VPS53: variants seen among roughly 807,000 people sequenced by gnomAD.
VPS53 encodes vacuolar protein sorting-associated protein 53 homolog.
In VPS53, 70 loss-of-function variants were observed where a neutral mutation model predicts 107.0. The observed-to-expected ratio is 0.65, with a 90% CI of 0.54 to 0.80. VPS53 has a LOEUF of 0.80. VPS53 is among the 30% of genes least tolerant of loss of function. VPS53 has a pLI of 0.00. For synonymous variants in VPS53, 409 were observed against 393.3 expected (o/e 1.04, Z -0.47); for missense variants, 917 against 1,049.4 (o/e 0.87, Z 1.74).
chr17:708,529 G>A (rs868390088), intron 2 of VPS53, among the ~76,000 whole-genome samples: 7 of 152,202 alleles, frequency 4.6e-5, no homozygotes, highest in African/African-American at 1.4e-4. Flanking sequence ...AGCACCACAG[G>A]GAGATGCTGA....
At position 516,236 on chromosome 17, in the gene VPS53, G is replaced by C; in HGVS notation, c.*2892C>G. 1 of 152,088 alleles carries C rather than the reference G, an allele frequency of 6.6e-6. No homozygotes were observed. The highest frequency in any genetic ancestry group is 6.6e-5 in the Admixed American group (1 of 15,258). The allele number at this position is 152,088 out of a possible 1,614,324, so 9.4% of individuals were successfully genotyped here. ...ACATGTATGAAAATGCGTGGCAGGAGCCCTTCCATAAAGCAAATCTCTCTG... is the reference window on the plus strand; with the variant it reads ...ACATGTATGAAAATGCGTGGCAGGACCCCTTCCATAAAGCAAATCTCTCTG... On this transcript the variant is annotated 3_prime_UTR_variant, in exon 22 of 22. Coordinates refer to ENST00000437048, the MANE Select transcript of VPS53 (RefSeq NM_001128159.3).
intron 4 of VPS53, among the ~76,000 whole-genome samples, chr17:672,751 A>G (rs901616270): frequency 2.1e-4 from 32 of 152,232 alleles, no homozygotes; most frequent in African/African-American, 6.5e-4. Flanking sequence ...TAGGGAATGT[A>G]TCTTTAAAGG....
chr17:661,536 A>T (rs555583189), intron 5 of VPS53, among the ~76,000 whole-genome samples: 304 of 149,328 alleles, frequency 2.0e-3, no homozygotes, highest in African/African-American at 7.0e-3. Context: ...AAAAAAAAAA[A>T]ATACCCAAAA....
chr17:547,811 G>A (rs191587735), intron 17 of VPS53, among the ~76,000 whole-genome samples: 2 of 152,106 alleles, frequency 1.3e-5, no homozygotes, highest in Admixed American at 1.3e-4. Flanking sequence ...CAAATTTTTT[G>A]TGTTTTTAAT....
chr17:577,557 T>C (rs566528026), intron 13 of VPS53, among the ~76,000 whole-genome samples: 5 of 149,402 alleles, frequency 3.3e-5, no homozygotes, highest in South Asian at 2.1e-4. Context: ...CAGAATCTAA[T>C]ACGTTCGCAG....
rs1032978630 is a variant in VPS53, at chr17:516,154, T to G, written c.*2974A>C. 1 of 151,986 alleles carries G rather than the reference T, an allele frequency of 6.6e-6. No homozygotes were observed. The highest frequency in any genetic ancestry group is 1.5e-5 in the Non-Finnish European group (1 of 68,008). 9.4% of individuals were successfully genotyped at this position (151,986 alleles called of 1,614,324 possible). ...TTATCAGTAGAGAATCTTCACCACG[T>G]TGGCACCAGCTCAAGTGTAGTGTCG... On this transcript the variant is annotated 3_prime_UTR_variant, in exon 22 of 22. Transcript: ENST00000437048.
chr17:572,020 G>A (rs990204379), intron 13 of VPS53, among the ~76,000 whole-genome samples: 2 of 151,010 alleles, frequency 1.3e-5, no homozygotes, highest in Non-Finnish European at 3.0e-5. Context: ...TGGGATGTGA[G>A]GAGCCCCTCT....
intron 18 of VPS53, among the ~76,000 whole-genome samples, chr17:535,446 G>A (rs951809773): frequency 1.5e-5 from 2 of 135,970 alleles, no homozygotes; most frequent in African/African-American, 5.0e-5. Context: ...TCAATCATAT[G>A]ACTGAGCAGG....
At chr17:699,786 A>G (rs575442971) in intron 2 of VPS53, among the ~76,000 whole-genome samples, 1 of 152,370 alleles carries the variant, frequency 6.6e-6, no homozygotes, top group African/African-American at 2.4e-5. Context: ...AAATACAGCA[A>G]CAAAAATGAA....
chr17:710,040 G>A (rs1221118907), intron 2 of VPS53, among the ~76,000 whole-genome samples: 1 of 152,104 alleles, frequency 6.6e-6, no homozygotes, highest in Admixed American at 6.6e-5. Flanking sequence ...AGCTACTCAG[G>A]AGGCTGAGGC....
intron 13 of VPS53, among the ~76,000 whole-genome samples, chr17:567,407 T>C (rs371565459): frequency 3.3e-5 from 5 of 152,106 alleles, no homozygotes; most frequent in African/African-American, 1.2e-4. Context: ...AGAAAATCAG[T>C]AGCCAGTATT....
intron 7 of VPS53, among the ~76,000 whole-genome samples, chr17:643,036 C>T (rs867653962): frequency 0.017 from 2,061 of 123,330 alleles, 43 homozygotes; most frequent in African/African-American, 0.06. Context: ...GCGAGGACAA[C>T]ACTCATACTT....
intron 4 of VPS53, among the ~76,000 whole-genome samples, chr17:668,891 GC>G (rs1286497726): frequency 1.3e-5 from 2 of 152,040 alleles, no homozygotes; most frequent in African/African-American, 4.8e-5. Flanking sequence ...TGAAGGTATC[GC>G]TTTTTTCTTC....
intron 7 of VPS53, among the ~76,000 whole-genome samples, chr17:643,568 GAAA>G (rs1970546288): frequency 1.4e-5 from 2 of 140,754 alleles, no homozygotes; most frequent in South Asian, 2.3e-4. Flanking sequence ...CTCATACTTG[GAAA>G]CCGAGGACAA....
chr17:580,381 T>A (rs2142997106), intron 13 of VPS53, among the ~76,000 whole-genome samples: 1 of 130,718 alleles, frequency 7.7e-6, no homozygotes, highest in East Asian at 2.4e-4. Flanking sequence ...CCAGAGAACT[T>A]CCCTCAGGAC....
At chr17:533,651 C>A (rs1567603190) in intron 18 of VPS53, among the ~76,000 whole-genome samples, 1 of 152,334 alleles carries the variant, frequency 6.6e-6, no homozygotes, top group Middle Eastern at 3.4e-3. Flanking sequence ...CCATACTCTA[C>A]ATGGAGTCTG....
At position 653,296 on chromosome 17, in the gene VPS53, G is replaced by T; in HGVS notation, c.603C>A (p.Ser201=). ...YMGIPQIRQL[S]ERVKAAQTEL... Reference sequence around the variant, plus strand: ...TCCCTCTGGTGACAGTTTACCTTTCGGAAAGCTGCCGGATCTGCGGAATCC... The same window carrying T: ...TCCCTCTGGTGACAGTTTACCTTTCTGAAAGCTGCCGGATCTGCGGAATCC... Residue 201 remains serine (S), a synonymous_variant, in exon 7 of 22, where the codon TCC becomes TCA. Transcript: ENST00000437048. The T allele has an allele frequency of 6.2e-7, 1 of 1,614,036 alleles. No homozygotes were observed.
intron 8 of VPS53, among the ~76,000 whole-genome samples, chr17:629,409 A>G (rs1969846092): frequency 6.6e-6 from 1 of 152,204 alleles, no homozygotes; most frequent in African/African-American, 2.4e-5. Flanking sequence ...CTTAATTCCC[A>G]CTTGTGAAAT....
At chr17:537,370 G>A (rs1044572301) in intron 17 of VPS53, 194 bp from the exon 18 acceptor site, 3 of 615,984 alleles carry the variant, frequency 4.9e-6, no homozygotes, top group Admixed American at 3.1e-5. Flanking sequence ...TGTGCCCAGC[G>A]GACCCGACAG....
Sources: gnomAD v4.1 joint callset for allele counts (sites outside exome capture counted in the v4.1 genomes callset) on GRCh38, gnomAD v4.1.1 for gene constraint, MANE v1.5 for transcripts, NCBI Gene and HGNC (gene_info 2026-07-23, HGNC 2026-07-21) for gene names.